Variants in RPS6KC1 observed in about 807,000 individuals in gnomAD.
The protein encoded by RPS6KC1 is inactive ribosomal protein S6 kinase delta-1.
In RPS6KC1, 54 loss-of-function variants were observed where a neutral mutation model predicts 103.8. The observed-to-expected ratio is 0.52, with a 90% CI of 0.42 to 0.65. The LOEUF (loss-of-function observed/expected upper bound fraction) is 0.65. Among genes scored for constraint, RPS6KC1 ranks in the 30% least tolerant of loss-of-function variants. The pLI, the probability that RPS6KC1 is intolerant of heterozygous loss-of-function variation, is 0.00. For missense variants in RPS6KC1, 1,151 were observed against 1,253.8 expected, an observed-to-expected ratio of 0.92 and a Z score of 1.24; for synonymous variants, 439 against 438.7, an observed-to-expected ratio of 1.00 and a Z score of -0.01.
the RPS6KC1 span, among the ~76,000 whole-genome samples, chr1:213,399,952 G>T: frequency 9.9e-5 from 15 of 152,236 alleles, no homozygotes; most frequent in South Asian, 2.9e-3. Flanking sequence ...TTAGCGAAGA[G>T]ATTCTGCTTC....
the RPS6KC1 span, among the ~76,000 whole-genome samples, chr1:213,327,322 G>GT: frequency 1.4e-4 from 1 of 7,226 alleles, no homozygotes; most frequent in Non-Finnish European, 5.0e-3. Context: ...CTCTTAATCC[G>GT]TTAAAAAAAA....
chr1:213,259,178 T>A (rs571577155), intron 12 of RPS6KC1, among the ~76,000 whole-genome samples: 1 of 152,366 alleles, frequency 6.6e-6, no homozygotes, highest in East Asian at 1.9e-4. Context: ...GAGTAACTTT[T>A]CCAACAAGCC....
intron 9 of RPS6KC1, 25 bp downstream of exon 9, chr1:213,230,569 C>G: frequency 6.3e-7 from 1 of 1,585,748 alleles, no homozygotes; most frequent in South Asian, 1.1e-5. Flanking sequence ...TAGCCAGGCG[C>G]GGTGCCTATA....
the RPS6KC1 span, among the ~76,000 whole-genome samples, chr1:213,684,443 C>T: frequency 6.6e-6 from 1 of 152,130 alleles, no homozygotes; most frequent in African/African-American, 2.4e-5. Context: ...GTCACTGTGT[C>T]CCCATTACCC....
At chr1:213,830,785 T>C in the RPS6KC1 span, among the ~76,000 whole-genome samples, 3 of 152,134 alleles carry the variant, frequency 2.0e-5, no homozygotes, top group East Asian at 5.8e-4. Context: ...TCCCCTACTC[T>C]TTTACTTTAT....
the RPS6KC1 span, among the ~76,000 whole-genome samples, chr1:213,685,251 T>C: frequency 6.6e-6 from 1 of 152,216 alleles, no homozygotes; most frequent in Non-Finnish European, 1.5e-5. Context: ...TCAGAACACT[T>C]ATAAGTCCTG....
chr1:213,846,700 A>G, the RPS6KC1 span, among the ~76,000 whole-genome samples: 1 of 152,202 alleles, frequency 6.6e-6, no homozygotes, highest in Non-Finnish European at 1.5e-5. Context: ...TCACTCATCT[A>G]TATCATATAT....
At chr1:213,793,729 A>G in the RPS6KC1 span, among the ~76,000 whole-genome samples, 1 of 152,182 alleles carries the variant, frequency 6.6e-6, no homozygotes, top group Non-Finnish European at 1.5e-5. Context: ...CTCGCCAGTA[A>G]ATTTTTAAAG....
intron 1 of RPS6KC1, among the ~76,000 whole-genome samples, chr1:213,059,345 T>G (rs928181538): frequency 2.0e-5 from 3 of 152,220 alleles, no homozygotes; most frequent in African/African-American, 7.2e-5. Context: ...TTCTTTTTCT[T>G]GCTTTATTAC....
chr1:213,253,723 CAT>C (rs1189391961), intron 12 of RPS6KC1, among the ~76,000 whole-genome samples: 1 of 152,164 alleles, frequency 6.6e-6, no homozygotes, highest in African/African-American at 2.4e-5. Context: ...GTTGGAATCA[CAT>C]AGTCTCTCCA....
chr1:213,394,528 T>A, the RPS6KC1 span, among the ~76,000 whole-genome samples: 1 of 151,742 alleles, frequency 6.6e-6, no homozygotes, highest in Non-Finnish European at 1.5e-5. Context: ...CTTACCTCCC[T>A]CGGTTTGGTG....
chr1:213,466,283 GA>G, the RPS6KC1 span, among the ~76,000 whole-genome samples: 4 of 151,842 alleles, frequency 2.6e-5, no homozygotes, highest in African/African-American at 7.3e-5. Context: ...AATATTTATT[GA>G]AAAAAAATTG....
chr1:213,712,693 A>C, the RPS6KC1 span, among the ~76,000 whole-genome samples: 3 of 152,166 alleles, frequency 2.0e-5, no homozygotes, highest in African/African-American at 7.2e-5. Context: ...ACTGTGGGAA[A>C]AGCATAGTAT....
chr1:213,296,169 G>C, the RPS6KC1 span, among the ~76,000 whole-genome samples: 1 of 152,180 alleles, frequency 6.6e-6, no homozygotes, highest in Non-Finnish European at 1.5e-5. Context: ...TTCCATCAAA[G>C]CTTCAAATAT....
chr1:213,397,915 G>A, the RPS6KC1 span, among the ~76,000 whole-genome samples: 2 of 152,176 alleles, frequency 1.3e-5, no homozygotes, highest in Non-Finnish European at 2.9e-5. Context: ...GAGTGAATCT[G>A]CTCAGGCCGT....
At chr1:213,852,695 A>C in the RPS6KC1 span, among the ~76,000 whole-genome samples, 1 of 152,336 alleles carries the variant, frequency 6.6e-6, no homozygotes, top group South Asian at 2.1e-4. Context: ...AAGATTCATG[A>C]TAATAACAAC....
the RPS6KC1 span, among the ~76,000 whole-genome samples, chr1:213,511,509 T>G: frequency 6.6e-6 from 1 of 152,188 alleles, no homozygotes; most frequent in Non-Finnish European, 1.5e-5. Flanking sequence ...GAGATGCTAA[T>G]GTAGGGATGG....
At chr1:213,278,204 TAA>T (rs879371303), downstream of RPS6KC1, among the ~76,000 whole-genome samples, 2 of 141,568 alleles carry the variant, frequency 1.4e-5, no homozygotes, top group African/African-American at 2.6e-5. Flanking sequence ...GACCTAGACT[TAA>T]AAAAAAAAAA....
chr1:213,309,505 G>A, the RPS6KC1 span, among the ~76,000 whole-genome samples: 37 of 152,158 alleles, frequency 2.4e-4, no homozygotes, highest in Non-Finnish European at 5.1e-4. Context: ...TAGGAACTTT[G>A]GACATCGTTA....
Sources: allele counts gnomAD v4.1 joint callset (sites outside exome capture counted in the v4.1 genomes callset), GRCh38; gene constraint gnomAD v4.1.1; transcripts MANE v1.5; gene names NCBI Gene and HGNC (gene_info 2026-07-23, HGNC 2026-07-21).